GLIS3: variants seen among roughly 807,000 people sequenced by gnomAD.
GLIS3 encodes GLIS family zinc finger 3.
A neutral mutation model predicts 78.6 loss-of-function variants in GLIS3; 53 were observed. The observed-to-expected ratio is 0.67, with a 90% CI of 0.54 to 0.85. GLIS3 has a LOEUF of 0.85. Among genes scored for constraint, GLIS3 ranks in the 40% least tolerant of loss-of-function variants. The probability of loss-of-function intolerance (pLI) is 0.00; values close to 1 mark genes in which losing one functional copy is unlikely to be tolerated. For synonymous variants in GLIS3, 684 were observed against 509.9 expected (o/e 1.34, Z -4.60); for missense variants, 1,703 against 1,231.1 (o/e 1.38, Z -5.74).
Position 4,118,324 on chromosome 9 carries a change from C to T in GLIS3, c.1154G>A (p.Gly385Asp). Residue 385 changes from glycine to aspartate, a missense_variant, in exon 4 of 11, where the codon GGC becomes GAC. Physicochemically the swap from Gly to Asp is moderately conservative, Grantham distance 94. Transcript: ENST00000381971. This position sits in a 1 kb window ranked among gnomAD's most constrained non-coding sequence, Gnocchi z 4.7. ...APGGLALPAY[G>D]EDGALEHERM... ...CTCGTGCTCCAGGGCCCCGTCCTCG[C>T]CGTAGGCCGGCAGCGCCAGGCCTCC... The T allele has an allele frequency of 1.3e-6, 2 of 1,574,398 alleles. No individual in the cohort carries two copies. The highest frequency in any genetic ancestry group is 1.3e-5 in the African/African-American group (1 of 74,202).
At chr9:4,334,578 C>A in intron 2 of GLIS3, among the ~76,000 whole-genome samples, 1 of 152,226 alleles carries the variant, frequency 6.6e-6, no homozygotes, top group Middle Eastern at 3.2e-3. Flanking sequence ...TTATTGTTGT[C>A]CTCCTGGCAA....
rs74651275 is a variant in GLIS3 at position 4,060,031 on chromosome 9, T to A, written c.1710+57737A>T. Among the ~76,000 whole-genome samples, 734 of 152,182 alleles carry A rather than the reference T, an allele frequency of 4.8e-3. 2 individuals carry two copies. The highest frequency in any genetic ancestry group is 0.017 in the African/African-American group (694 of 41,540). ...TAAGGCATGTTGAATTCCGAATGCA[T>A]CCTTCCTCCTGGAACCCAAGGTTCC... On this transcript the variant is annotated intron_variant, in intron 4 of 10. Coordinates refer to ENST00000381971, the MANE Select transcript of GLIS3 (RefSeq NM_001042413.2).
At chr9:4,443,639 AAGAG>A in the GLIS3 span, among the ~76,000 whole-genome samples, 1 of 152,212 alleles carries the variant, frequency 6.6e-6, no homozygotes, top group African/African-American at 2.4e-5. Flanking sequence ...TAAAGGAAGC[AAGAG>A]CACAGCTGTT....
At chr9:4,043,178 T>A (rs992634883) in intron 4 of GLIS3, among the ~76,000 whole-genome samples, 3 of 152,178 alleles carry the variant, frequency 2.0e-5, no homozygotes, top group African/African-American at 7.2e-5. Context: ...TTAATCCCTT[T>A]AAGCATCCAT....
chr9:3,878,608 T>A (rs936046505), intron 8 of GLIS3: 5 of 152,266 alleles, frequency 3.3e-5, no homozygotes, highest in African/African-American at 1.2e-4. Context: ...CCAGAACTTC[T>A]TTCTCCTCTG....
At chr9:4,370,630 C>G in the GLIS3 span, among the ~76,000 whole-genome samples, 2 of 151,754 alleles carry the variant, frequency 1.3e-5, no homozygotes, top group Admixed American at 6.6e-5. Context: ...ATCAGGATTT[C>G]TAAATATTAA....
intron 4 of GLIS3, among the ~76,000 whole-genome samples, chr9:4,076,171 T>C (rs1288219782): frequency 6.6e-6 from 1 of 152,234 alleles, no homozygotes; most frequent in Non-Finnish European, 1.5e-5. Context: ...ACATTTTAAA[T>C]CTGTAGAGTG....
chr9:4,317,238 C>T (rs573950914), intron 2 of GLIS3, among the ~76,000 whole-genome samples: 5 of 152,208 alleles, frequency 3.3e-5, no homozygotes, highest in African/African-American at 1.2e-4. Flanking sequence ...TTCTCTTGTA[C>T]TTAGCCTGTG....
intron 2 of GLIS3, among the ~76,000 whole-genome samples, chr9:4,338,145 T>A (rs1370637268): frequency 1.3e-5 from 2 of 152,058 alleles, no homozygotes; most frequent in African/African-American, 4.8e-5. Flanking sequence ...TCTAATCCTA[T>A]CGCTTCTCCT....
intron 8 of GLIS3, among the ~76,000 whole-genome samples, chr9:3,859,957 G>A (rs978087542): frequency 2.0e-5 from 3 of 152,130 alleles, no homozygotes; most frequent in Non-Finnish European, 4.4e-5. Context: ...AAGGGAAGGG[G>A]AACAGATTTT....
chr9:4,043,760 A>T (rs1238660167), intron 4 of GLIS3, among the ~76,000 whole-genome samples: 2 of 152,226 alleles, frequency 1.3e-5, no homozygotes, highest in Non-Finnish European at 2.9e-5. Context: ...CTGACCCAGT[A>T]CCTCTTTAGA....
chr9:4,148,843 G>A (rs973889799), intron 2 of GLIS3, among the ~76,000 whole-genome samples: 1 of 152,148 alleles, frequency 6.6e-6, no homozygotes, highest in African/African-American at 2.4e-5. Context: ...CGTGGCCAGA[G>A]CTGCCACTTT....
chr9:4,186,502 G>T (rs4338160), intron 2 of GLIS3, among the ~76,000 whole-genome samples: 137 of 151,388 alleles, frequency 9.0e-4, no homozygotes, highest in African/African-American at 3.2e-3. Flanking sequence ...ATAATCCTTT[G>T]GGTATATACC....
chr9:3,972,918 C>G (rs1293973043), intron 4 of GLIS3, among the ~76,000 whole-genome samples: 1 of 152,110 alleles, frequency 6.6e-6, no homozygotes, highest in East Asian at 1.9e-4. Context: ...TCTTCTGACG[C>G]TGATTGCAAG....
the GLIS3 span, among the ~76,000 whole-genome samples, chr9:4,402,583 G>T: frequency 3.9e-5 from 6 of 152,070 alleles, no homozygotes; most frequent in Non-Finnish European, 8.8e-5. Flanking sequence ...ATAACACAGA[G>T]AAGGAATTCA....
the GLIS3 span, among the ~76,000 whole-genome samples, chr9:4,358,770 G>A: frequency 1.3e-5 from 2 of 152,200 alleles, no homozygotes; most frequent in Non-Finnish European, 2.9e-5. Flanking sequence ...GTTACAGTCT[G>A]ACTGGCATTC....
rs565405675 is a variant in GLIS3, at chr9:4,041,268, A to C, written c.1710+76500T>G. The stretch of plus-strand genomic sequence containing the variant: ...AAGGGGGTGGGAGTGGAAGTTTGCT[A>C]CCGGCCTCTATTTCCCTCTACCAAC... On this transcript the variant is annotated intron_variant, in intron 4 of 10. Coordinates refer to ENST00000381971, the MANE Select transcript of GLIS3 (RefSeq NM_001042413.2). Among the ~76,000 whole-genome samples, 10 of 152,290 alleles carry C rather than the reference A, an allele frequency of 6.6e-5. No homozygotes were observed. The South Asian group carries it at 1.9e-3, about 28-fold the overall frequency.
intron 8 of GLIS3, among the ~76,000 whole-genome samples, chr9:3,875,866 T>TC (rs1821276331): frequency 6.6e-6 from 1 of 152,092 alleles, no homozygotes; most frequent in African/African-American, 2.4e-5. Flanking sequence ...ATAAAGTACC[T>TC]CCTTCCTCTC....
chr9:4,435,907 C>G, the GLIS3 span, among the ~76,000 whole-genome samples: 2 of 152,196 alleles, frequency 1.3e-5, no homozygotes, highest in African/African-American at 4.8e-5. Flanking sequence ...CAAGATCGTG[C>G]CACTGCACTC....
Sources: allele counts gnomAD v4.1 joint callset (sites outside exome capture counted in the v4.1 genomes callset), GRCh38; gene constraint gnomAD v4.1.1; non-coding constraint Gnocchi (gnomAD v3.1); transcripts MANE v1.5; gene names NCBI Gene and HGNC (gene_info 2026-07-23, HGNC 2026-07-21).